ZNF525: variants seen among roughly 807,000 people sequenced by gnomAD.
The protein encoded by ZNF525 is zinc finger protein 525.
ZNF525 carries 33 observed loss-of-function variants against 37.6 expected under a neutral mutation model. The ratio of observed to expected loss-of-function variants is 0.88; its 90% CI spans 0.67 to 1.17. The LOEUF is 1.17. ZNF525 is among the 50% of genes most tolerant of loss of function. The pLI, the probability that ZNF525 is intolerant of heterozygous loss-of-function variation, is 0.00. For missense variants in ZNF525, 449 were observed against 543.1 expected (o/e 0.83, Z 1.72); for synonymous variants, 170 against 182.3 (o/e 0.93, Z 0.54).
rs530484646 is a variant in ZNF525, at chr19:53,375,860, G to A, written c.106G>A (p.Val36Met). Residue 36 changes from valine to methionine, a missense_variant, in exon 3 of 4, where the codon GTG (valine) becomes ATG (methionine). Transcript: ENST00000474037. ...TGCTCAGAGGACTCTATACAGGGAC[G>A]TGATGCTGGAGAATTATAGGAACCT... ...DPAQRTLYRD[V>M]MLENYRNLVS... The A allele has an allele frequency of 1.7e-5, 28 of 1,613,740 alleles. No homozygotes were observed. In the South Asian group the frequency reaches 2.6e-4, roughly 15 times the overall value.
Position 53,382,520 on chromosome 19 carries a change from G to C in ZNF525, c.*501G>C. On this transcript the variant is annotated 3_prime_UTR_variant, in exon 4 of 4. Coordinates refer to ENST00000474037, the MANE Select transcript of ZNF525 (RefSeq NM_001348156.2). ...AGTGTGGCAAGACCTTCAGTAAGGAGTTAACACATGCCATCATAGACGTCA... is the reference window on the plus strand; with the variant it reads ...AGTGTGGCAAGACCTTCAGTAAGGACTTAACACATGCCATCATAGACGTCA... 3.0e-6 allele frequency: 2 copies of C among 665,758 alleles called. No individual in the cohort carries two copies. The highest frequency in any genetic ancestry group is 5.6e-6 in the Non-Finnish European group (2 of 354,566). 41.2% of individuals were successfully genotyped at this position (665,758 alleles called of 1,614,324 possible).
intron 3 of ZNF525, among the ~76,000 whole-genome samples, chr19:53,377,030 G>T (rs1043789769): frequency 6.6e-6 from 1 of 152,134 alleles, no homozygotes; most frequent in Non-Finnish European, 1.5e-5. Context: ...CTTTATTTAT[G>T]TCGGAATTAT....
Position 53,381,545 on chromosome 19 carries a change from T to C in ZNF525, c.966T>C (p.Thr322=). Residue 322 remains threonine (T), a synonymous_variant, in exon 4 of 4, where the codon ACT becomes ACC. Coordinates refer to ENST00000474037, the MANE Select transcript of ZNF525 (RefSeq NM_001348156.2). ...TTCAAAGACATAGGAGAATTCATAC[T>C]GGAGAGAAACCACATAAGTGTAATG... The part of the protein sequence containing the change: ...SALQRHRRIH[T]GEKPHKCNEC... 1 of 1,221,382 alleles carries C rather than the reference T, an allele frequency of 8.2e-7. No individual in the cohort carries two copies. The highest frequency in any genetic ancestry group is 1.2e-6 in the Non-Finnish European group (1 of 821,490). The allele number at this position is 1,221,382 out of a possible 1,614,324, so 75.7% of individuals were successfully genotyped here. A position where few individuals can be genotyped will look rare whatever the true frequency, so the allele number is the denominator to read the frequency against.
intron 1 of ZNF525, among the ~76,000 whole-genome samples, chr19:53,367,859 G>A (rs1487884179): frequency 1.3e-5 from 2 of 152,140 alleles, no homozygotes; most frequent in Non-Finnish European, 1.5e-5. Context: ...AGTTTCATTA[G>A]TGATGATTTC....
At chr19:53,368,805 A>G (rs2085465641) in intron 1 of ZNF525, among the ~76,000 whole-genome samples, 1 of 152,138 alleles carries the variant, frequency 6.6e-6, no homozygotes. Context: ...TGCGGTCCAC[A>G]CGGGTAAGTC....
chr19:53,366,581 C>G (rs1159975070), intron 1 of ZNF525, among the ~76,000 whole-genome samples: 3 of 145,496 alleles, frequency 2.1e-5, no homozygotes, highest in South Asian at 2.2e-4. Flanking sequence ...AGAAAAGCAA[C>G]TAGAGAAATG....
Position 53,383,279 on chromosome 19 carries a change from C to G in ZNF525, c.*1260C>G. 2 of 1,422,626 alleles carry G rather than the reference C, an allele frequency of 1.4e-6. No individual in the cohort carries two copies. The highest frequency in any genetic ancestry group is 1.1e-5 in the South Asian group (1 of 87,498). 88.1% of individuals were successfully genotyped at this position (1,422,626 alleles called of 1,614,324 possible). Reference sequence around the variant, plus strand: ...CAAAACCTTCCATCACAATTCAGTCCTTGTAATTCATAAAACAATTCATAC... The same window carrying G: ...CAAAACCTTCCATCACAATTCAGTCGTTGTAATTCATAAAACAATTCATAC... On this transcript the variant is annotated 3_prime_UTR_variant, in exon 4 of 4. Transcript: ENST00000474037.
chr19:53,372,164 G>T, intron 1 of ZNF525, 51 bp from the exon 2 acceptor site: 1 of 613,184 alleles, frequency 1.6e-6, no homozygotes. Flanking sequence ...TGTGTTACAG[G>T]GAGGGTGTGT....
intron 3 of ZNF525, among the ~76,000 whole-genome samples, chr19:53,376,993 G>T (rs1600020844): frequency 6.6e-6 from 1 of 152,090 alleles, no homozygotes; most frequent in Non-Finnish European, 1.5e-5. Flanking sequence ...TCCACAACCT[G>T]CAAAAGCTTC....
intron 2 of ZNF525, among the ~76,000 whole-genome samples, chr19:53,375,339 C>T (rs2085513873): frequency 2.0e-5 from 3 of 152,294 alleles, no homozygotes; most frequent in South Asian, 4.1e-4. Context: ...GCAATTCCAG[C>T]ACTTTGAGAG....
At position 53,382,070 on chromosome 19, in the gene ZNF525, T is replaced by C; in HGVS notation, c.*51T>C. The C allele has an allele frequency of 6.9e-7, 1 of 1,442,520 alleles. No homozygotes were observed. Among genetic ancestry groups the C allele is most frequent in the South Asian group, 1.2e-5 (1 of 84,690 alleles). 89.4% of individuals were successfully genotyped at this position (1,442,520 alleles called of 1,614,324 possible). A position where few individuals can be genotyped will look rare whatever the true frequency, so the allele number is the denominator to read the frequency against. On this transcript the variant is annotated 3_prime_UTR_variant, in exon 4 of 4. Transcript: ENST00000474037. The stretch of plus-strand genomic sequence containing the variant: ...ATACTGGAGAGAAATGTTATAAGTG[T>C]AATGATTGTGGCAAGATCTTCAGTC...
chr19:53,369,914 T>C (rs184216166), intron 1 of ZNF525, among the ~76,000 whole-genome samples: 56,594 of 142,340 alleles, frequency 0.4, 13,816 homozygotes, highest in Non-Finnish European at 0.53. Context: ...TTAGTAGAGG[T>C]GGGGTTTCAC....
At chr19:53,366,768 T>G (rs371246719) in intron 1 of ZNF525, among the ~76,000 whole-genome samples, 1 of 145,154 alleles carries the variant, frequency 6.9e-6, no homozygotes, top group Non-Finnish European at 1.5e-5. Context: ...GGAGGACACC[T>G]GGGGATCTGG....
intron 1 of ZNF525, among the ~76,000 whole-genome samples, chr19:53,368,839 C>T (rs878902982): frequency 2.0e-5 from 3 of 152,042 alleles, no homozygotes; most frequent in Admixed American, 6.6e-5. Context: ...GTGAAATTTA[C>T]GGGATGACAG....
Position 53,385,225 on chromosome 19 carries a change from G to T in ZNF525, c.*3206G>T. On this transcript the variant is annotated 3_prime_UTR_variant, in exon 4 of 4. Coordinates refer to ENST00000474037, the MANE Select transcript of ZNF525 (RefSeq NM_001348156.2). ...AAAATACATATTATGAGAAAATTGT[G>T]CATGAATTTCACAATTTTTGCACCA... is the stretch of plus-strand genomic sequence containing the variant. 1 of 464,340 alleles carries T rather than the reference G, an allele frequency of 2.2e-6. No homozygotes were observed. Among genetic ancestry groups the T allele is most frequent in the Non-Finnish European group, 3.8e-6 (1 of 262,968 alleles). 28.8% of individuals were successfully genotyped at this position (464,340 alleles called of 1,614,324 possible).
chr19:53,383,248 G>A lies in ZNF525; in HGVS notation c.*1229G>A, dbSNP rs879217236. 5 of 1,428,604 alleles carry A rather than the reference G, an allele frequency of 3.5e-6. No homozygotes were observed. The highest frequency in any genetic ancestry group is 1.8e-4 in the Middle Eastern group (1 of 5,408). 88.5% of individuals were successfully genotyped at this position (1,428,604 alleles called of 1,614,324 possible). A position where few individuals can be genotyped will look rare whatever the true frequency, so the allele number is the denominator to read the frequency against. On this transcript the variant is annotated 3_prime_UTR_variant, in exon 4 of 4. Transcript: ENST00000474037. ...GGGAGAAACCTTACAAGTGTAATGA[G>A]TGTGGCAAAACCTTCCATCACAATT...
In ZNF525 at chr19:53,386,232, C is replaced by T; in HGVS notation, c.*4213C>T. Reference sequence around the variant, plus strand: ...GTGTGTGCTTGACTCTGCTTCTTGCCACATCTTCTCAGAAGACTTTCAGGA... The same window carrying T: ...GTGTGTGCTTGACTCTGCTTCTTGCTACATCTTCTCAGAAGACTTTCAGGA... On this transcript the variant is annotated 3_prime_UTR_variant, in exon 4 of 4. Coordinates refer to ENST00000474037, the MANE Select transcript of ZNF525 (RefSeq NM_001348156.2). 6 of 651,336 alleles carry T rather than the reference C, an allele frequency of 9.2e-6. No individual in the cohort carries two copies. The East Asian group carries it at 2.0e-4, about 21-fold the overall frequency. The allele number at this position is 651,336 out of a possible 1,614,324, so 40.3% of individuals were successfully genotyped here. A position where few individuals can be genotyped will look rare whatever the true frequency, so the allele number is the denominator to read the frequency against.
At position 53,384,621 on chromosome 19, in the gene ZNF525, A is replaced by G. The variant is rs2147076918; in HGVS notation, c.*2602A>G. 5.4e-6 allele frequency: 1 copy of G among 186,108 alleles called. No homozygotes were observed. Among genetic ancestry groups the G allele is most frequent in the Non-Finnish European group, 1.1e-5 (1 of 90,840 alleles). 11.5% of individuals were successfully genotyped at this position (186,108 alleles called of 1,614,324 possible). A position where few individuals can be genotyped will look rare whatever the true frequency, so the allele number is the denominator to read the frequency against. The stretch of plus-strand genomic sequence containing the variant: ...ATTATTAAAATATGGAAATTCAACT[A>G]ATTTTTGGTGCTGATACTGTATTGT... On this transcript the variant is annotated 3_prime_UTR_variant, in exon 4 of 4. Transcript: ENST00000474037.
intron 1 of ZNF525, among the ~76,000 whole-genome samples, chr19:53,366,139 C>A (rs886459722): frequency 1.4e-5 from 2 of 146,014 alleles, no homozygotes; most frequent in Admixed American, 1.4e-4. Flanking sequence ...CAGCTCCGGT[C>A]CCGGGGAGGC....
Sources: allele counts gnomAD v4.1 joint callset (sites outside exome capture counted in the v4.1 genomes callset), GRCh38; gene constraint gnomAD v4.1.1; transcripts MANE v1.5; gene names NCBI Gene and HGNC (gene_info 2026-07-23, HGNC 2026-07-21).